Variants in KCNH6 observed in about 807,000 individuals in gnomAD.
KCNH6 encodes the protein potassium voltage-gated channel subfamily H member 6.
In KCNH6, 81 loss-of-function variants were observed where a neutral mutation model predicts 83.4. That is an observed-to-expected ratio of 0.97 (90% CI 0.81 to 1.17). The LOEUF is 1.17. Among genes scored for constraint, KCNH6 ranks in the 50% most tolerant of loss-of-function variants. The probability of loss-of-function intolerance (pLI) is 0.00; values close to 1 mark genes in which losing one functional copy is unlikely to be tolerated. For synonymous variants in KCNH6, 503 were observed against 545.6 expected, an observed-to-expected ratio of 0.92 and a Z score of 1.09; for missense variants, 1,203 against 1,290.5, an observed-to-expected ratio of 0.93 and a Z score of 1.04.
chr17:63,543,491 G>A, intron 9 of KCNH6, 85 bp from the exon 10 acceptor site: 3 of 826,600 alleles, frequency 3.6e-6, no homozygotes, highest in Admixed American at 1.9e-5. Flanking sequence ...AGTTGTGACA[G>A]CACCATGGGG....
At chr17:63,526,189 C>A (rs944218111) in intron 2 of KCNH6, among the ~76,000 whole-genome samples, 1 of 152,154 alleles carries the variant, frequency 6.6e-6, no homozygotes, top group Admixed American at 6.5e-5. Flanking sequence ...ATACCTGGTG[C>A]CCCATAAGTC....
chr17:63,545,027 A>G, intron 11 of KCNH6, 51 bp from the exon 12 acceptor site: 1 of 1,578,034 alleles, frequency 6.3e-7, no homozygotes, highest in Non-Finnish European at 8.6e-7. Flanking sequence ...AGCTGCCCTC[A>G]GGAACTACTT....
intron 11 of KCNH6, 54 bp downstream of exon 11, chr17:63,544,465 G>A (rs1317907024): frequency 7.0e-7 from 1 of 1,426,978 alleles, no homozygotes; most frequent in Admixed American, 2.9e-5. Flanking sequence ...CCCTCCTAGT[G>A]GCTCAGACAC....
chr17:63,546,094 G>A lies in KCNH6; in HGVS notation c.*192G>A, dbSNP rs1256522006. On this transcript the variant is annotated 3_prime_UTR_variant, in exon 13 of 13. Transcript: ENST00000314672. The stretch of plus-strand genomic sequence containing the variant: ...CTAAAATTAAAAAAGAAAAAAAATA[G>A]CCGGGCGTGGTGGCAGGCGCCTGTA... 3.7e-6 allele frequency: 2 copies of A among 547,928 alleles called. No individual in the cohort carries two copies. The highest frequency in any genetic ancestry group is 6.4e-6 in the Non-Finnish European group (2 of 310,330). The allele number at this position is 547,928 out of a possible 1,614,324, so 33.9% of individuals were successfully genotyped here. A position where few individuals can be genotyped will look rare whatever the true frequency, so the allele number is the denominator to read the frequency against.
intron 1 of KCNH6, 27 bp from the exon 2 acceptor site, chr17:63,524,112 C>G: frequency 1.9e-6 from 3 of 1,553,216 alleles, no homozygotes; most frequent in Non-Finnish European, 2.7e-6. Flanking sequence ...CTCCCATGGA[C>G]TTTTTGCCTC....
intron 4 of KCNH6, among the ~76,000 whole-genome samples, chr17:63,532,428 G>A (rs1365211290): frequency 6.6e-6 from 1 of 152,200 alleles, no homozygotes; most frequent in Non-Finnish European, 1.5e-5. Flanking sequence ...GGCCAGTGAG[G>A]GAGCCAAACT....
rs1230468662 is a variant in KCNH6 at position 63,535,156 on chromosome 17, C to A, written c.1102-513C>A. 2.6e-5 allele frequency among the ~76,000 whole-genome samples: 4 copies of A among 152,188 alleles called. No individual in the cohort carries two copies. Among genetic ancestry groups the A allele is most frequent in the African/African-American group, 9.7e-5 (4 of 41,430 alleles). On this transcript the variant is annotated intron_variant, in intron 5 of 12. Coordinates refer to ENST00000314672, the MANE Select transcript of KCNH6 (RefSeq NM_001278919.2). The surrounding 1 kb of genome is among the most constrained non-coding windows in gnomAD (Gnocchi z 4.9). ...ACTAGAAGCCAAGTTCATGATGGAC[C>A]CTGAAGCCCACAGGCAGCAGCCCCT...
chr17:63,534,457 A>G lies in KCNH6; in HGVS notation c.1101+146A>G, dbSNP rs2032348916. The G allele has an allele frequency of 1.3e-6, 1 of 795,672 alleles. No homozygotes were observed. Among genetic ancestry groups the G allele is most frequent in the African/African-American group, 1.7e-5 (1 of 57,444 alleles). The allele number at this position is 795,672 out of a possible 1,614,324, so 49.3% of individuals were successfully genotyped here. A position where few individuals can be genotyped will look rare whatever the true frequency, so the allele number is the denominator to read the frequency against. On this transcript the variant is annotated intron_variant, in intron 5 of 12. Transcript: ENST00000314672. This position sits in a 1 kb window ranked among gnomAD's most constrained non-coding sequence, Gnocchi z 5.0. ...ACGTGGAGGTGGAGAGGAGGCCCCAAACATCTGTCACCTCCCAGCCCTGGA... is the reference window on the plus strand; with the variant it reads ...ACGTGGAGGTGGAGAGGAGGCCCCAGACATCTGTCACCTCCCAGCCCTGGA...
In KCNH6 at chr17:63,538,000, G is replaced by A. The variant is rs1597999213; in HGVS notation, c.1502-65G>A. The A allele has an allele frequency of 3.3e-6, 5 of 1,503,000 alleles. No homozygotes were observed. In the East Asian group the frequency reaches 9.5e-5, roughly 29 times the overall value. 93.1% of individuals were successfully genotyped at this position (1,503,000 alleles called of 1,614,324 possible). A position where few individuals can be genotyped will look rare whatever the true frequency, so the allele number is the denominator to read the frequency against. On this transcript the variant is annotated intron_variant, in intron 6 of 12. Coordinates refer to ENST00000314672, the MANE Select transcript of KCNH6 (RefSeq NM_001278919.2). ...GGGCTGCTGGAAGGAGGAAGACCTG[G>A]GTAAGCCCTTGGTGGTGTGGCCCAG... is the stretch of plus-strand genomic sequence containing the variant.
intron 2 of KCNH6, among the ~76,000 whole-genome samples, chr17:63,529,623 A>C (rs1170994757): frequency 1.3e-5 from 2 of 152,146 alleles, no homozygotes; most frequent in Non-Finnish European, 2.9e-5. Context: ...CATGCCCAGC[A>C]CTTAGTGTAC....
Position 63,533,085 on chromosome 17 carries a change from G to A in KCNH6, c.676-801G>A, listed in dbSNP as rs1443793548. On this transcript the variant is annotated intron_variant, in intron 4 of 12. Transcript: ENST00000314672. This position sits in a 1 kb window ranked among gnomAD's most constrained non-coding sequence, Gnocchi z 4.1. ...ATTCAACCGGGGAGGCCTGGCTTCA[G>A]TACCCATGCCCTTCCTAATGCCCTG... Among the ~76,000 whole-genome samples, 1 of 152,068 alleles carries A rather than the reference G, an allele frequency of 6.6e-6. No homozygotes were observed. The highest frequency in any genetic ancestry group is 6.5e-5 in the Admixed American group (1 of 15,268).
intron 2 of KCNH6, among the ~76,000 whole-genome samples, chr17:63,528,081 C>T (rs1440059307): frequency 6.6e-6 from 1 of 152,236 alleles, no homozygotes; most frequent in African/African-American, 2.4e-5. Context: ...GCCTTCTGCC[C>T]CTCTGCCCAG....
At chr17:63,527,943 G>T (rs1384258039) in intron 2 of KCNH6, among the ~76,000 whole-genome samples, 3 of 152,160 alleles carry the variant, frequency 2.0e-5, no homozygotes, top group Non-Finnish European at 4.4e-5. Flanking sequence ...GCTATAACGG[G>T]CTGGTCTTTG....
chr17:63,539,603 T>C (rs934381293), intron 8 of KCNH6, among the ~76,000 whole-genome samples: 1 of 152,228 alleles, frequency 6.6e-6, no homozygotes, highest in African/African-American at 2.4e-5. Context: ...TCCCCATCAC[T>C]GTGAAGCATC....
At chr17:63,542,467 G>A (rs778965758) in intron 9 of KCNH6, 33 bp downstream of exon 9, 3 of 1,597,006 alleles carry the variant, frequency 1.9e-6, no homozygotes, top group Non-Finnish European at 2.6e-6. Context: ...AGGGTGGGTG[G>A]AAATGCCCAG....
Position 63,545,173 on chromosome 17 carries a change from C to G in KCNH6, c.2492C>G (p.Pro831Arg). The change falls in exon 12 of 13, where the codon CCT becomes CGT. Residue 831 changes from proline (P) to arginine (R), a missense_variant. By Grantham distance (103) the Pro-to-Arg change is moderately radical (BLOSUM62 -2). Transcript: ENST00000314672. ...CACGCCAGCTACATTCTGGAAGCCC[C>G]TGCCTCCAATGACCTGGCCTTGGTT... is the stretch of plus-strand genomic sequence containing the variant. The part of the protein sequence containing the change: ...QGHASYILEA[P>R]ASNDLALVPI... The G allele has an allele frequency of 6.2e-7, 1 of 1,613,854 alleles. No homozygotes were observed. Among genetic ancestry groups the G allele is most frequent in the South Asian group, 1.1e-5 (1 of 91,086 alleles).
chr17:63,544,370 G>T lies in KCNH6; in HGVS notation c.2355G>T (p.Lys785Asn). The change falls in exon 11 of 13, where the codon AAG becomes AAT. Residue 785 changes from lysine (K) to asparagine (N), a missense_variant. By Grantham distance (94) the Lys-to-Asn change is moderately conservative. Transcript: ENST00000314672. ...AAGACCCAGATTGCTGGCCTCTGAA[G>T]CTGGGCTCCAGGCTAGAGCAGCTCC... ...PQEDPDCWPL[K>N]LGSRLEQLQA... 6.2e-7 allele frequency: 1 copy of T among 1,609,050 alleles called. No homozygotes were observed. The highest frequency in any genetic ancestry group is 2.2e-5 in the East Asian group (1 of 44,866).
rs200735123 is a variant in KCNH6 at position 63,542,310 on chromosome 17, G to A, written c.2024G>A (p.Arg675Gln). The change falls in exon 9 of 13, where the codon CGG (arginine) becomes CAG (glutamine). Residue 675 changes from arginine (R) to glutamine (Q), a missense_variant. Physicochemically the swap from Arg to Gln is conservative, Grantham distance 43. Transcript: ENST00000314672. ...AQPGKSSADVRALTYCDLHKI... is the reference protein window; with the variant it reads ...AQPGKSSADVQALTYCDLHKI... ...CCAGGCAAGTCCAGTGCAGACGTGC[G>A]GGCTCTGACCTACTGCGACCTGCAC... 2.9e-5 allele frequency: 47 copies of A among 1,614,118 alleles called. No homozygotes were observed. In the Admixed American group the frequency reaches 4.5e-4, roughly 15 times the overall value.
Position 63,535,735 on chromosome 17 carries a change from C to G in KCNH6, c.1168C>G (p.Leu390Val). 6.2e-7 allele frequency: 1 copy of G among 1,613,784 alleles called. No individual in the cohort carries two copies. Among genetic ancestry groups the G allele is most frequent in the South Asian group, 1.1e-5 (1 of 91,082 alleles). The change falls in exon 6 of 13, where the codon CTG (leucine) becomes GTG (valine). Residue 390 changes from leucine to valine, a missense_variant. By Grantham distance (32) the Leu-to-Val change is conservative. Coordinates refer to ENST00000314672, the MANE Select transcript of KCNH6 (RefSeq NM_001278919.2). This position sits in a 1 kb window ranked among gnomAD's most constrained non-coding sequence, Gnocchi z 4.9. ...LLRLVRVARK[L>V]DRYSEYGAAV... The stretch of plus-strand genomic sequence containing the variant: ...GCGGCTGGTGCGCGTAGCACGGAAG[C>G]TGGACCGCTACTCTGAGTATGGGGC...
Sources: gnomAD v4.1 joint callset for allele counts (sites outside exome capture counted in the v4.1 genomes callset) on GRCh38, gnomAD v4.1.1 for gene constraint, Gnocchi (gnomAD v3.1) non-coding constraint, MANE v1.5 for transcripts, NCBI Gene and HGNC (gene_info 2026-07-23, HGNC 2026-07-21) for gene names.